BBOF1: variants seen among roughly 807,000 people sequenced by gnomAD.
The protein encoded by BBOF1 is basal body orientation factor 1.
Under a neutral mutation model 68.0 loss-of-function variants are expected in BBOF1, and 62 were observed. The observed-to-expected ratio is 0.91, with a 90% CI of 0.74 to 1.13. BBOF1 has a LOEUF of 1.13. Ranked by LOEUF, BBOF1 falls within the 50% of genes most tolerant of loss-of-function variation. The pLI is 0.00. For synonymous variants in BBOF1, 208 were observed against 198.8 expected (o/e 1.05, Z -0.39); for missense variants, 534 against 600.1 (o/e 0.89, Z 1.15).
intron 9 of BBOF1, chr14:74,072,457 G>A: frequency 6.2e-7 from 1 of 1,613,194 alleles, no homozygotes; most frequent in Non-Finnish European, 8.5e-7. Context: ...CTTTACAACA[G>A]ACACCCAGGT....
intron 2 of BBOF1, among the ~76,000 whole-genome samples, chr14:74,027,171 C>CA (rs1264899773): frequency 7.0e-6 from 1 of 142,248 alleles, no homozygotes; most frequent in Non-Finnish European, 1.5e-5. Context: ...ACTGCAACCT[C>CA]AAAGGATCAC....
At chr14:74,071,580 G>A in intron 9 of BBOF1, 1 of 1,608,636 alleles carries the variant, frequency 6.2e-7, no homozygotes, top group Non-Finnish European at 8.5e-7. Flanking sequence ...CTGAGGACAG[G>A]AAGTGGTTCA....
At chr14:74,069,104 T>C, downstream of BBOF1, 1 of 738,584 alleles carries the variant, frequency 1.4e-6, no homozygotes, top group Non-Finnish European at 1.9e-6. Flanking sequence ...ACTTTTTCTT[T>C]TTTTTTTTTT....
At chr14:74,030,050 T>C (rs1452377579) in intron 3 of BBOF1, among the ~76,000 whole-genome samples, 1 of 152,180 alleles carries the variant, frequency 6.6e-6, no homozygotes, top group Non-Finnish European at 1.5e-5. Context: ...GTTTAAGATT[T>C]TGGGGGGCAT....
Position 74,032,450 on chromosome 14 carries a change from A to T in BBOF1, c.352-1578A>T, listed in dbSNP as rs57279637. Among the ~76,000 whole-genome samples the T allele has an allele frequency of 2.0e-3, 304 of 149,518 alleles. 13 individuals are homozygous for T. The East Asian group carries it at 0.052, about 25-fold the overall frequency. ...CCTCAAACTTGATTTTTGCAATGTG[A>T]TAGGTGAGAAATGGGTATTTTTCAA... On this transcript the variant is annotated intron_variant, in intron 3 of 11. Transcript: ENST00000394009.
intron 9 of BBOF1, chr14:74,074,850 A>C (rs2060594990): frequency 8.3e-7 from 1 of 1,201,494 alleles, no homozygotes; most frequent in Non-Finnish European, 1.2e-6. Context: ...AAAAACTAGA[A>C]AGTTTCACAT....
intron 4 of BBOF1, among the ~76,000 whole-genome samples, chr14:74,039,247 C>T (rs1490256883): frequency 1.3e-5 from 2 of 152,038 alleles, no homozygotes; most frequent in African/African-American, 4.8e-5. Context: ...GAACATTTTT[C>T]AATGCCATTA....
intron 11 of BBOF1, chr14:74,060,074 C>T (rs189790349): frequency 3.8e-5 from 6 of 157,448 alleles, no homozygotes; most frequent in East Asian, 1.9e-4. Context: ...CAACCAAAAG[C>T]GGTGAGTTAT....
chr14:74,032,611 A>G (rs2059599170), intron 3 of BBOF1, among the ~76,000 whole-genome samples: 1 of 150,622 alleles, frequency 6.6e-6, no homozygotes, highest in African/African-American at 2.5e-5. Context: ...CTCCTGCCTC[A>G]GCCTCCTGAG....
chr14:74,074,889 A>G, intron 9 of BBOF1: 1 of 1,499,660 alleles, frequency 6.7e-7, no homozygotes, highest in South Asian at 1.1e-5. Flanking sequence ...TGTAAAGAAG[A>G]TAGAGATACC....
chr14:74,045,885 C>G (rs2059937427), intron 5 of BBOF1, among the ~76,000 whole-genome samples, 175 bp from the exon 6 acceptor site: 2 of 152,164 alleles, frequency 1.3e-5, no homozygotes, highest in African/African-American at 4.8e-5. Context: ...GGGAGGAACC[C>G]TAAGGTTCCT....
At chr14:74,076,471 C>T (rs1364406544) in intron 9 of BBOF1, among the ~76,000 whole-genome samples, 2 of 152,128 alleles carry the variant, frequency 1.3e-5, no homozygotes, top group Non-Finnish European at 2.9e-5. Context: ...AAGCGATTCT[C>T]CTGCCTCAGC....
chr14:74,021,321 C>T (rs1453111085), intron 1 of BBOF1, among the ~76,000 whole-genome samples: 1 of 152,018 alleles, frequency 6.6e-6, no homozygotes, highest in African/African-American at 2.4e-5. Context: ...GGTGGGGCAT[C>T]GTGGCTCATG....
intron 9 of BBOF1, among the ~76,000 whole-genome samples, chr14:74,078,025 G>C (rs1024884487): frequency 1.3e-5 from 2 of 152,150 alleles, no homozygotes; most frequent in African/African-American, 4.8e-5. Context: ...AGGATCTCTT[G>C]AGCCCAGTTC....
chr14:74,070,060 C>G (rs1006187013), downstream of BBOF1, among the ~76,000 whole-genome samples: 1 of 151,788 alleles, frequency 6.6e-6, no homozygotes, highest in African/African-American at 2.4e-5. Context: ...AGGCTGGTCT[C>G]GAACTCCTGG....
intron 5 of BBOF1, among the ~76,000 whole-genome samples, chr14:74,044,805 A>ATCCCAGGTACTC (rs1457095948): frequency 1.3e-5 from 2 of 152,090 alleles, no homozygotes; most frequent in Non-Finnish European, 2.9e-5. Flanking sequence ...GGTGCCTGTA[A>ATCCCAGGTACTC]TCCCAGGTAC....
In BBOF1 at chr14:74,072,343, G is replaced by A. The variant is rs765634338; in HGVS notation, n.1380-5853G>A. 5.6e-6 allele frequency: 9 copies of A among 1,614,102 alleles called. No individual in the cohort carries two copies. Among genetic ancestry groups the A allele is most frequent in the Admixed American group, 3.3e-5 (2 of 60,020 alleles). On this transcript the variant is annotated intron_variant and non_coding_transcript_variant, in intron 9 of 12. Transcript: ENST00000492026. ...TCTGCCTTGGTGGCCTGAGGGACCC[G>A]ACCAATGACCTCATTGGTGGCCTGA...
Position 74,029,253 on chromosome 14 carries a change from A to G in BBOF1, c.351+4A>G. The G allele has an allele frequency of 1.3e-6, 2 of 1,540,288 alleles. No individual in the cohort carries two copies. Among genetic ancestry groups the G allele is most frequent in the Non-Finnish European group, 1.8e-6 (2 of 1,133,346 alleles). ...CCAAGAGGAGAAGGATAAATTGGTG[A>G]GTTATCTATGTGTACTAATACTCCA... On this transcript the variant is annotated splice_donor_region_variant and intron_variant, in intron 3 of 11. Coordinates refer to ENST00000394009, the MANE Select transcript of BBOF1 (RefSeq NM_025057.3).
At chr14:74,024,249 G>C (rs1244987320) in intron 2 of BBOF1, among the ~76,000 whole-genome samples, 13 of 151,992 alleles carry the variant, frequency 8.6e-5, no homozygotes, top group Admixed American at 8.5e-4. Flanking sequence ...ACTTAGCTTA[G>C]GAGTTCAGGA....
Sources: allele counts gnomAD v4.1 joint callset (sites outside exome capture counted in the v4.1 genomes callset), GRCh38; gene constraint gnomAD v4.1.1; transcripts MANE v1.5; gene names NCBI Gene and HGNC (gene_info 2026-07-23, HGNC 2026-07-21).